The following LRRC28 variants were observed in gnomAD, a reference collection of about 807,000 sequenced individuals.
The protein encoded by LRRC28 is leucine rich repeat containing 28.
A neutral mutation model predicts 45.7 loss-of-function variants in LRRC28; 39 were observed. The observed-to-expected ratio is 0.85, with a 90% CI of 0.66 to 1.12. LRRC28 has a LOEUF of 1.12. LRRC28 is among the 50% of genes most tolerant of loss of function. LRRC28 has a pLI of 0.00. For missense variants in LRRC28, 435 were observed against 438.5 expected, an observed-to-expected ratio of 0.99 and a Z score of 0.07; for synonymous variants, 206 against 178.8, an observed-to-expected ratio of 1.15 and a Z score of -1.22.
chr15:99,344,997 A>C (rs905119447), intron 6 of LRRC28, among the ~76,000 whole-genome samples: 2 of 152,228 alleles, frequency 1.3e-5, no homozygotes, highest in African/African-American at 4.8e-5. Context: ...CGTACTTCCA[A>C]ATATGTCACT....
chr15:99,293,872 C>G (rs1365190584), intron 5 of LRRC28, among the ~76,000 whole-genome samples: 1 of 152,120 alleles, frequency 6.6e-6, no homozygotes, highest in Non-Finnish European at 1.5e-5. Context: ...TGCAGTTCTA[C>G]TGGCAGTGAA....
intron 6 of LRRC28, among the ~76,000 whole-genome samples, chr15:99,351,455 C>G (rs376386695): frequency 1.4e-4 from 21 of 152,248 alleles, no homozygotes; most frequent in African/African-American, 4.8e-4. Flanking sequence ...TTTTGGGGCC[C>G]CCTTTCTCAA....
chr15:99,359,540 G>A (rs1009650364), intron 7 of LRRC28, among the ~76,000 whole-genome samples: 5 of 152,192 alleles, frequency 3.3e-5, no homozygotes, highest in Admixed American at 2.0e-4. Flanking sequence ...ATGGTGTGGG[G>A]AAATGGATGC....
chr15:99,377,949 T>C (rs1957695868), intron 9 of LRRC28, among the ~76,000 whole-genome samples: 2 of 152,200 alleles, frequency 1.3e-5, no homozygotes, highest in Admixed American at 6.6e-5. Context: ...ACTATATCCT[T>C]GTATTATAGT....
chr15:99,354,257 T>C (rs1956979132), intron 7 of LRRC28, among the ~76,000 whole-genome samples: 1 of 152,224 alleles, frequency 6.6e-6, no homozygotes, highest in African/African-American at 2.4e-5. Flanking sequence ...TGACCTATTT[T>C]GCACCCCCAA....
chr15:99,301,779 T>C (rs1954978517), intron 5 of LRRC28, among the ~76,000 whole-genome samples: 1 of 152,180 alleles, frequency 6.6e-6, no homozygotes, highest in Admixed American at 6.5e-5. Context: ...CAGTGTTTGT[T>C]TCCTATCCGT....
At chr15:99,347,740 G>A (rs1272193359) in intron 6 of LRRC28, among the ~76,000 whole-genome samples, 3 of 152,162 alleles carry the variant, frequency 2.0e-5, no homozygotes, top group South Asian at 2.1e-4. Context: ...GTGAATATGG[G>A]AGTGCAGATG....
Position 99,386,194 on chromosome 15 carries a change from G to T in LRRC28, c.*92G>T. Reference sequence around the variant, plus strand: ...TCTTCCATCCTGTCCTGTCCAATGCGGGGGCACTGCAGAACTCTCTAGAAA... The same window carrying T: ...TCTTCCATCCTGTCCTGTCCAATGCTGGGGCACTGCAGAACTCTCTAGAAA... On this transcript the variant is annotated 3_prime_UTR_variant, in exon 10 of 10. Coordinates refer to ENST00000301981, the MANE Select transcript of LRRC28 (RefSeq NM_144598.5). 4 of 988,948 alleles carry T rather than the reference G, an allele frequency of 4.0e-6. No homozygotes were observed. The Middle Eastern group carries it at 8.9e-4, about 220-fold the overall frequency. 61.3% of individuals were successfully genotyped at this position (988,948 alleles called of 1,614,324 possible). A position where few individuals can be genotyped will look rare whatever the true frequency, so the allele number is the denominator to read the frequency against.
At chr15:99,293,371 A>T (rs982636313) in intron 5 of LRRC28, among the ~76,000 whole-genome samples, 1 of 152,008 alleles carries the variant, frequency 6.6e-6, no homozygotes, top group African/African-American at 2.4e-5. Context: ...AGGTGGGTGG[A>T]TCACCTGAGG....
intron 3 of LRRC28, among the ~76,000 whole-genome samples, chr15:99,282,911 G>C (rs1410315569): frequency 6.6e-6 from 1 of 150,412 alleles, no homozygotes; most frequent in Non-Finnish European, 1.5e-5. Flanking sequence ...TTTTTTTTTT[G>C]AGATGGAATT....
intron 6 of LRRC28, among the ~76,000 whole-genome samples, chr15:99,340,391 A>G (rs145884028): frequency 7.2e-5 from 11 of 152,336 alleles, no homozygotes; most frequent in East Asian, 1.9e-4. Context: ...TCTTGTTCCT[A>G]CTTTCTCTGT....
intron 7 of LRRC28, among the ~76,000 whole-genome samples, chr15:99,359,564 T>A (rs1259933042): frequency 1.3e-5 from 2 of 152,172 alleles, no homozygotes; most frequent in Non-Finnish European, 2.9e-5. Flanking sequence ...CTTACCAATC[T>A]TTTTGGAAAG....
intron 9 of LRRC28, among the ~76,000 whole-genome samples, chr15:99,379,385 T>G (rs1016769834): frequency 2.0e-5 from 3 of 152,216 alleles, no homozygotes; most frequent in Admixed American, 6.5e-5. Context: ...TCGCTGGTGA[T>G]ATCCCCTTTA....
intron 5 of LRRC28, among the ~76,000 whole-genome samples, chr15:99,299,522 T>C (rs1052827541): frequency 6.6e-6 from 1 of 152,228 alleles, no homozygotes; most frequent in Non-Finnish European, 1.5e-5. Context: ...ATTTGTCATT[T>C]ATTTGAACAT....
chr15:99,370,027 T>C (rs910160606), intron 9 of LRRC28, among the ~76,000 whole-genome samples: 5 of 152,218 alleles, frequency 3.3e-5, no homozygotes, highest in South Asian at 2.1e-4. Flanking sequence ...TACTGTAAGA[T>C]AGGTACTATC....
At chr15:99,309,317 C>T (rs1955310905) in intron 5 of LRRC28, among the ~76,000 whole-genome samples, 3 of 152,178 alleles carry the variant, frequency 2.0e-5, no homozygotes, top group African/African-American at 7.2e-5. Flanking sequence ...TCTGACTTTC[C>T]ACTCCTGAAG....
At chr15:99,371,407 A>AAG (rs1437199360) in intron 9 of LRRC28, among the ~76,000 whole-genome samples, 2 of 152,118 alleles carry the variant, frequency 1.3e-5, no homozygotes, top group African/African-American at 4.8e-5. Flanking sequence ...CCTTGAGGTA[A>AAG]AGACCTGTTT....
At chr15:99,324,861 C>T (rs190211909) in intron 5 of LRRC28, among the ~76,000 whole-genome samples, 6 of 152,156 alleles carry the variant, frequency 3.9e-5, no homozygotes, top group Admixed American at 2.0e-4. Context: ...AGGATTCTAC[C>T]AGGATTCCAA....
intron 3 of LRRC28, among the ~76,000 whole-genome samples, chr15:99,281,992 A>G (rs2081807121): frequency 6.6e-6 from 1 of 151,780 alleles, no homozygotes. Flanking sequence ...GGGTCCCATT[A>G]TATTGCTCAG....
Sources: gnomAD v4.1 joint callset for allele counts (sites outside exome capture counted in the v4.1 genomes callset) on GRCh38, gnomAD v4.1.1 for gene constraint, MANE v1.5 for transcripts, NCBI Gene and HGNC (gene_info 2026-07-23, HGNC 2026-07-21) for gene names.